AGAP1: variants seen among roughly 807,000 people sequenced by gnomAD.
AGAP1 encodes arf-GAP with GTPase, ANK repeat and PH domain-containing protein 1.
AGAP1 carries 29 observed loss-of-function variants against 105.3 expected under a neutral mutation model. The observed-to-expected ratio is 0.28, with a 90% CI of 0.21 to 0.38. AGAP1 has a LOEUF of 0.38. Among genes scored for constraint, AGAP1 ranks in the 10% least tolerant of loss-of-function variants. The pLI is 1.00. For missense variants in AGAP1, 998 were observed against 1,165.1 expected (o/e 0.86, Z 2.09); for synonymous variants, 509 against 485.9 (o/e 1.05, Z -0.63).
At chr2:236,019,841 C>T (rs967860399) in intron 13 of AGAP1, among the ~76,000 whole-genome samples, 2 of 152,242 alleles carry the variant, frequency 1.3e-5, no homozygotes, top group African/African-American at 4.8e-5. Context: ...TCCTGAAGGA[C>T]TCACTGCAGT....
intron 1 of AGAP1, among the ~76,000 whole-genome samples, chr2:235,573,051 C>CT (rs1559258982): frequency 0.016 from 264 of 16,016 alleles, 15 homozygotes; most frequent in Middle Eastern, 0.067. Flanking sequence ...TCTTCTTCTT[C>CT]TTCTTCTTCT....
chr2:235,494,630 C>T lies in AGAP1; in HGVS notation c.-57C>T. ...CCCGGGCTCGGCGGCCCGCGGGCCC[C>T]GGGGCGCGGGGCGGCGGCGGCGGGG... On this transcript the variant is annotated 5_prime_UTR_variant, in exon 1 of 18. Coordinates refer to ENST00000304032, the MANE Select transcript of AGAP1 (RefSeq NM_001037131.3). 1.0e-6 allele frequency: 1 copy of T among 958,802 alleles called. No homozygotes were observed. Among genetic ancestry groups the T allele is most frequent in the Non-Finnish European group, 1.2e-6 (1 of 810,518 alleles). The allele number at this position is 958,802 out of a possible 1,614,324, so 59.4% of individuals were successfully genotyped here.
chr2:236,112,729 T>C (rs1452269623), intron 16 of AGAP1, among the ~76,000 whole-genome samples: 1 of 152,188 alleles, frequency 6.6e-6, no homozygotes, highest in Non-Finnish European at 1.5e-5. Flanking sequence ...CACAGAACGC[T>C]CTCCCGCTCT....
Position 235,734,192 on chromosome 2 carries a change from G to A in AGAP1, c.311-6771G>A, listed in dbSNP as rs112832710. 8.1e-3 allele frequency among the ~76,000 whole-genome samples: 1,239 copies of A among 152,286 alleles called. 7 individuals carry two copies. The highest frequency in any genetic ancestry group is 0.01 in the Middle Eastern group (3 of 292). The stretch of plus-strand genomic sequence containing the variant: ...TAATACAGTTTGCAGATTTTCTCCC[G>A]ATGTCATCATGGCACTCAGTAACAA... On this transcript the variant is annotated intron_variant, in intron 3 of 17. Coordinates refer to ENST00000304032, the MANE Select transcript of AGAP1 (RefSeq NM_001037131.3). This position sits in a 1 kb window ranked among gnomAD's most constrained non-coding sequence, Gnocchi z 5.3.
chr2:235,663,182 G>A lies in AGAP1; in HGVS notation c.164-45997G>A, dbSNP rs186832686. Reference sequence around the variant, plus strand: ...AAATTAGCTGGGCATGGTGGTGGGCGCCTGTGATCCCATCTACTTGGGAGG... The same window carrying A: ...AAATTAGCTGGGCATGGTGGTGGGCACCTGTGATCCCATCTACTTGGGAGG... On this transcript the variant is annotated intron_variant, in intron 1 of 17. Coordinates refer to ENST00000304032, the MANE Select transcript of AGAP1 (RefSeq NM_001037131.3). The surrounding 1 kb of genome is among the most constrained non-coding windows in gnomAD (Gnocchi z 5.4). Among the ~76,000 whole-genome samples the A allele has an allele frequency of 3.1e-4, 47 of 152,232 alleles. No homozygotes were observed. Among genetic ancestry groups the A allele is most frequent in the African/African-American group, 8.4e-4 (35 of 41,552 alleles).
intron 9 of AGAP1, among the ~76,000 whole-genome samples, chr2:235,841,905 T>C (rs928434307): frequency 6.6e-6 from 1 of 151,614 alleles, no homozygotes; most frequent in Non-Finnish European, 1.5e-5. Flanking sequence ...GCTCTCTCTC[T>C]TCCCCTGAAG....
At position 236,123,937 on chromosome 2, in the gene AGAP1, G is replaced by A; in HGVS notation, c.2389G>A (p.Ala797Thr). Residue 797 changes from alanine (A) to threonine (T), a missense_variant, in exon 18 of 18, where the codon GCC becomes ACC. Transcript: ENST00000304032. This position sits in a 1 kb window ranked among gnomAD's most constrained non-coding sequence, Gnocchi z 4.6. ...TCCGCAGTACGGAGTGGACGTCACG[G>A]CCCGAGATGCCCACGGGAACACAGC... Reference protein sequence around the residue: ...LLIWYGVDVTARDAHGNTALA... With the variant: ...LLIWYGVDVTTRDAHGNTALA... 7 of 1,613,238 alleles carry A rather than the reference G, an allele frequency of 4.3e-6. No individual in the cohort carries two copies. Among genetic ancestry groups the A allele is most frequent in the Non-Finnish European group, 5.9e-6 (7 of 1,179,880 alleles).
chr2:236,068,386 C>T (rs2125785277), intron 16 of AGAP1, among the ~76,000 whole-genome samples: 2 of 152,248 alleles, frequency 1.3e-5, no homozygotes, highest in East Asian at 3.9e-4. Context: ...AACTCCCTCT[C>T]CTCTCCTCTG....
At chr2:236,115,263 A>C (rs937330775) in intron 16 of AGAP1, among the ~76,000 whole-genome samples, 2 of 152,244 alleles carry the variant, frequency 1.3e-5, no homozygotes, top group Non-Finnish European at 2.9e-5. Context: ...CACTGTGGCC[A>C]TGGTGTCATC....
chr2:235,964,327 T>A lies in AGAP1; in HGVS notation c.1484-4135T>A, dbSNP rs1009626658. Among the ~76,000 whole-genome samples the A allele has an allele frequency of 1.6e-4, 24 of 152,100 alleles. No homozygotes were observed. Among genetic ancestry groups the A allele is most frequent in the Admixed American group, 1.0e-3 (16 of 15,282 alleles). On this transcript the variant is annotated intron_variant, in intron 12 of 17. Transcript: ENST00000304032. This position sits in a 1 kb window ranked among gnomAD's most constrained non-coding sequence, Gnocchi z 4.6. ...CCCCTGGCAGCCGAGGAGAGTTGCG[T>A]TTGCCTGTTCTGCTTATCTCCCTGC...
rs867978049 is a variant in AGAP1 at position 235,965,259 on chromosome 2, G to C, written c.1484-3203G>C. On this transcript the variant is annotated intron_variant, in intron 12 of 17. Coordinates refer to ENST00000304032, the MANE Select transcript of AGAP1 (RefSeq NM_001037131.3). The surrounding 1 kb of genome is among the most constrained non-coding windows in gnomAD (Gnocchi z 5.8). ...TGCCGGGAAGAGAGGGTCAGGTAGA[G>C]CCAAGCCTGGAACTGGTGTTGGTGT... 6.6e-6 allele frequency among the ~76,000 whole-genome samples: 1 copy of C among 152,204 alleles called. No individual in the cohort carries two copies. Among genetic ancestry groups the C allele is most frequent in the African/African-American group, 2.4e-5 (1 of 41,454 alleles).
At position 235,721,452 on chromosome 2, in the gene AGAP1, T is replaced by C. The variant is rs888184157; in HGVS notation, c.310+3808T>C. ...TGAAATCAGTCAAAGAGTAAACCTCTTGGATTGACAGATTCCTTAATATTA... is the reference window on the plus strand; with the variant it reads ...TGAAATCAGTCAAAGAGTAAACCTCCTGGATTGACAGATTCCTTAATATTA... On this transcript the variant is annotated intron_variant, in intron 3 of 17. Coordinates refer to ENST00000304032, the MANE Select transcript of AGAP1 (RefSeq NM_001037131.3). The surrounding 1 kb of genome is among the most constrained non-coding windows in gnomAD (Gnocchi z 4.5). Among the ~76,000 whole-genome samples, 2 of 152,004 alleles carry C rather than the reference T, an allele frequency of 1.3e-5. No individual in the cohort carries two copies. Among genetic ancestry groups the C allele is most frequent in the African/African-American group, 4.8e-5 (2 of 41,348 alleles).
intron 1 of AGAP1, among the ~76,000 whole-genome samples, chr2:235,518,875 C>T (rs541326407): frequency 5.3e-5 from 8 of 152,184 alleles, no homozygotes; most frequent in Non-Finnish European, 8.8e-5. Flanking sequence ...CGTGAATGCC[C>T]GCTGCTCCTG....
chr2:235,737,793 G>A lies in AGAP1; in HGVS notation c.311-3170G>A, dbSNP rs1396338668. 6.6e-6 allele frequency among the ~76,000 whole-genome samples: 1 copy of A among 152,110 alleles called. No individual in the cohort carries two copies. The highest frequency in any genetic ancestry group is 1.5e-5 in the Non-Finnish European group (1 of 68,018). On this transcript the variant is annotated intron_variant, in intron 3 of 17. Coordinates refer to ENST00000304032, the MANE Select transcript of AGAP1 (RefSeq NM_001037131.3). This position sits in a 1 kb window ranked among gnomAD's most constrained non-coding sequence, Gnocchi z 4.5. ...GGGACACTGGCGTTGCAGGGCCCCT[G>A]GGACAGGCTCCACTCCTCCCTTCTT...
chr2:235,841,062 T>C (rs1960772255), intron 9 of AGAP1, among the ~76,000 whole-genome samples: 5 of 151,944 alleles, frequency 3.3e-5, no homozygotes, highest in African/African-American at 4.8e-5. Flanking sequence ...GTCCATTGGC[T>C]TGTGGGATGG....
chr2:236,099,184 G>A (rs1239601108), intron 16 of AGAP1, among the ~76,000 whole-genome samples: 1 of 152,060 alleles, frequency 6.6e-6, no homozygotes, highest in South Asian at 2.1e-4. Context: ...CAGGTGCGGT[G>A]GCTCACGCCT....
intron 1 of AGAP1, among the ~76,000 whole-genome samples, chr2:235,518,028 G>A (rs1942466807): frequency 6.6e-6 from 1 of 152,068 alleles, no homozygotes; most frequent in Admixed American, 6.6e-5. Context: ...GCCCCCATTT[G>A]CAGGTGAGAG....
intron 15 of AGAP1, among the ~76,000 whole-genome samples, chr2:236,041,650 TAAG>T (rs1401495668): frequency 6.6e-6 from 1 of 152,124 alleles, no homozygotes; most frequent in Non-Finnish European, 1.5e-5. Context: ...TTTTTTTTGT[TAAG>T]TAGTGTTTTG....
rs1317496106 is a variant in AGAP1 at position 236,083,702 on chromosome 2, T to C, written c.2114+34421T>C. Among the ~76,000 whole-genome samples, 1 of 151,960 alleles carries C rather than the reference T, an allele frequency of 6.6e-6. No individual in the cohort carries two copies. The highest frequency in any genetic ancestry group is 1.5e-5 in the Non-Finnish European group (1 of 68,010). On this transcript the variant is annotated intron_variant, in intron 16 of 17. Coordinates refer to ENST00000304032, the MANE Select transcript of AGAP1 (RefSeq NM_001037131.3). This position sits in a 1 kb window ranked among gnomAD's most constrained non-coding sequence, Gnocchi z 5.3. ...TGTTTTACTTAATATATAGGAAGAT[T>C]TTTTTTTAATACCTTAAAAATACTG...
Sources: gnomAD v4.1 joint callset for allele counts (sites outside exome capture counted in the v4.1 genomes callset) on GRCh38, gnomAD v4.1.1 for gene constraint, Gnocchi (gnomAD v3.1) non-coding constraint, MANE v1.5 for transcripts, NCBI Gene and HGNC (gene_info 2026-07-23, HGNC 2026-07-21) for gene names.